The following CSMD1 variants were observed in gnomAD, a reference collection of about 807,000 sequenced individuals.
The protein encoded by CSMD1 is CUB and sushi domain-containing protein 1.
Under a neutral mutation model 417.5 loss-of-function variants are expected in CSMD1, and 213 were observed. That is an observed-to-expected ratio of 0.51 (90% CI 0.46 to 0.57). CSMD1 has a LOEUF of 0.57. Among genes scored for constraint, CSMD1 ranks in the 20% least tolerant of loss-of-function variants. CSMD1 has a pLI of 0.00. For missense variants in CSMD1, 6,923 were observed against 4,529.7 expected (o/e 1.53, Z -15.17); for synonymous variants, 2,862 against 1,736.8 (o/e 1.65, Z -16.11).
chr8:4,488,734 C>G (rs74417269), intron 2 of CSMD1, among the ~76,000 whole-genome samples: 1,582 of 152,074 alleles, frequency 0.01, 23 homozygotes, highest in African/African-American at 0.036. Context: ...ATCCCCAGCA[C>G]CAAATGGGCC....
intron 8 of CSMD1, among the ~76,000 whole-genome samples, chr8:3,590,030 G>C (rs565155508): frequency 6.6e-6 from 1 of 151,802 alleles, no homozygotes; most frequent in Non-Finnish European, 1.5e-5. Context: ...AATTTTTTTG[G>C]ATATATTTGA....
chr8:4,469,006 AG>A (rs1226773695), intron 2 of CSMD1, among the ~76,000 whole-genome samples: 1 of 152,204 alleles, frequency 6.6e-6, no homozygotes, highest in Non-Finnish European at 1.5e-5. Context: ...AGACTCTAAA[AG>A]GAAAAAAAGT....
chr8:4,405,027 A>T (rs1006848133), intron 3 of CSMD1, among the ~76,000 whole-genome samples: 2 of 152,258 alleles, frequency 1.3e-5, no homozygotes, highest in Non-Finnish European at 2.9e-5. Context: ...ACTGAGGTTT[A>T]AACTAGCATG....
intron 3 of CSMD1, among the ~76,000 whole-genome samples, chr8:4,279,261 A>G (rs1463283862): frequency 6.6e-6 from 1 of 152,190 alleles, no homozygotes; most frequent in African/African-American, 2.4e-5. Flanking sequence ...CCACATTTTG[A>G]AACACTTATA....
chr8:3,282,882 T>C (rs986349872), intron 26 of CSMD1, among the ~76,000 whole-genome samples: 3 of 152,154 alleles, frequency 2.0e-5, no homozygotes, highest in Non-Finnish European at 2.9e-5. Flanking sequence ...AAGAGATAAA[T>C]TGAGTCTGAA....
chr8:4,533,922 CAT>C (rs1442672860), intron 2 of CSMD1, among the ~76,000 whole-genome samples: 1 of 148,292 alleles, frequency 6.7e-6, no homozygotes, highest in East Asian at 1.9e-4. Flanking sequence ...TATACATACA[CAT>C]ATATTAATAT....
intron 10 of CSMD1, among the ~76,000 whole-genome samples, chr8:3,560,448 C>A (rs1358572312): frequency 6.6e-6 from 1 of 152,090 alleles, no homozygotes; most frequent in East Asian, 1.9e-4. Context: ...AAGATGGGAT[C>A]CCAGGTCTGT....
chr8:4,019,449 C>T (rs570415923), intron 4 of CSMD1, among the ~76,000 whole-genome samples: 1 of 21,756 alleles, frequency 4.6e-5, no homozygotes, highest in Non-Finnish European at 8.5e-5. Flanking sequence ...AGGGAACATT[C>T]CCTTATTAGG....
In CSMD1 at chr8:2,978,639, A is replaced by T; in HGVS notation, c.8539T>A (p.Trp2847Arg). 1.2e-6 allele frequency: 2 copies of T among 1,601,760 alleles called. No individual in the cohort carries two copies. Among genetic ancestry groups the T allele is most frequent in the Non-Finnish European group, 1.7e-6 (2 of 1,173,818 alleles). Residue 2847 changes from tryptophan to arginine, a missense_variant, in exon 55 of 70, where the codon TGG becomes AGG. Coordinates refer to ENST00000635120, the MANE Select transcript of CSMD1 (RefSeq NM_033225.6). ...AAACACTTGGGCAGGGATCGGTCCC[A>T]TAAGCCATTTGCCATACAGGTCAAG... ...SALTCMANGLWDRSLPKCLAI... is the reference protein window; with the variant it reads ...SALTCMANGLRDRSLPKCLAI...
chr8:3,685,882 A>T (rs1410102126), intron 7 of CSMD1, among the ~76,000 whole-genome samples: 1 of 152,176 alleles, frequency 6.6e-6, no homozygotes, highest in Non-Finnish European at 1.5e-5. Flanking sequence ...ATCCCATCAA[A>T]CATTTATTGT....
chr8:3,391,830 G>T (rs1041947194), intron 17 of CSMD1, among the ~76,000 whole-genome samples: 1 of 152,162 alleles, frequency 6.6e-6, no homozygotes, highest in Non-Finnish European at 1.5e-5. Flanking sequence ...TGGGCATGAA[G>T]AAGCGTCATT....
At chr8:4,302,948 A>G (rs1798057848) in intron 3 of CSMD1, among the ~76,000 whole-genome samples, 1 of 152,066 alleles carries the variant, frequency 6.6e-6, no homozygotes, top group South Asian at 2.1e-4. Context: ...GCTTCCCTTT[A>G]TGCATGAAAC....
chr8:4,082,441 G>T (rs886241653), intron 3 of CSMD1, among the ~76,000 whole-genome samples: 1 of 152,052 alleles, frequency 6.6e-6, no homozygotes, highest in East Asian at 1.9e-4. Flanking sequence ...TGAAAATAGA[G>T]GAAGGGCAAA....
intron 3 of CSMD1, among the ~76,000 whole-genome samples, chr8:4,102,924 A>T (rs962207872): frequency 6.6e-6 from 1 of 152,200 alleles, no homozygotes; most frequent in African/African-American, 2.4e-5. Flanking sequence ...GGAGTCACAC[A>T]TTTACTTTAA....
intron 1 of CSMD1, among the ~76,000 whole-genome samples, chr8:4,946,306 A>G (rs7832847): frequency 0.5 from 75,568 of 152,008 alleles, 19,979 homozygotes; most frequent in East Asian, 0.79. Flanking sequence ...ACCTCAATCA[A>G]TTAATATGAC....
intron 5 of CSMD1, among the ~76,000 whole-genome samples, chr8:3,927,263 G>C (rs914664639): frequency 1.3e-5 from 2 of 151,714 alleles, no homozygotes; most frequent in East Asian, 1.9e-4. Flanking sequence ...TAAATATATA[G>C]CAGACATAAG....
At chr8:4,543,056 T>C (rs73182965) in intron 2 of CSMD1, among the ~76,000 whole-genome samples, 12,062 of 152,272 alleles carry the variant, frequency 0.079, 576 homozygotes, top group South Asian at 0.13. Context: ...AGATTTCATA[T>C]ATACCCCTCA....
chr8:3,065,893 G>C (rs1812907371), intron 49 of CSMD1, among the ~76,000 whole-genome samples: 1 of 152,224 alleles, frequency 6.6e-6, no homozygotes, highest in African/African-American at 2.4e-5. Context: ...ATGAAAATGA[G>C]TGAAGAGCGT....
chr8:4,310,278 C>A (rs1212215167), intron 3 of CSMD1, among the ~76,000 whole-genome samples: 1 of 152,138 alleles, frequency 6.6e-6, no homozygotes, highest in Non-Finnish European at 1.5e-5. Flanking sequence ...GTTATCATGG[C>A]TGCTTAGAGC....
Sources: gnomAD v4.1 joint callset for allele counts (sites outside exome capture counted in the v4.1 genomes callset) on GRCh38, gnomAD v4.1.1 for gene constraint, MANE v1.5 for transcripts, NCBI Gene and HGNC (gene_info 2026-07-23, HGNC 2026-07-21) for gene names.